Variants in PREP observed in about 807,000 individuals in gnomAD.
PREP encodes the protein prolyl endopeptidase, also known as dJ355L5.1 (prolyl endopeptidase).
PREP carries 29 observed loss-of-function variants against 87.6 expected under a neutral mutation model. That is an observed-to-expected ratio of 0.33 (90% CI 0.25 to 0.45). The LOEUF (loss-of-function observed/expected upper bound fraction) is 0.45, where lower values mean the gene tolerates loss of function less well. PREP is among the 20% of genes least tolerant of loss of function. The pLI, the probability that PREP is intolerant of heterozygous loss-of-function variation, is 1.00. For missense variants in PREP, 695 were observed against 886.5 expected, an observed-to-expected ratio of 0.78 and a Z score of 2.74; for synonymous variants, 337 against 328.6, an observed-to-expected ratio of 1.03 and a Z score of -0.28.
intron 2 of PREP, among the ~76,000 whole-genome samples, chr6:105,395,837 T>A (rs1226652473): frequency 4.6e-5 from 7 of 152,122 alleles, no homozygotes; most frequent in Admixed American, 1.3e-4. Flanking sequence ...AATCATCAGG[T>A]CCTTAGAGAC....
At chr6:105,371,566 C>T (rs1236898125) in intron 5 of PREP, among the ~76,000 whole-genome samples, 1 of 136,168 alleles carries the variant, frequency 7.3e-6, no homozygotes, top group Non-Finnish European at 1.6e-5. Context: ...AAGTAATTAA[C>T]TCATATTTGC....
At chr6:105,368,085 T>C (rs1257756403) in intron 6 of PREP, among the ~76,000 whole-genome samples, 2 of 152,226 alleles carry the variant, frequency 1.3e-5, no homozygotes, top group Non-Finnish European at 2.9e-5. Flanking sequence ...GAACGTAAGT[T>C]AAAATTGAAA....
At chr6:105,297,524 T>C (rs1770434299) in intron 10 of PREP, among the ~76,000 whole-genome samples, 2 of 152,208 alleles carry the variant, frequency 1.3e-5, no homozygotes, top group Non-Finnish European at 2.9e-5. Context: ...CTTTTCCTTT[T>C]TCCCATACTG....
chr6:105,351,229 G>A (rs981929879), intron 7 of PREP, among the ~76,000 whole-genome samples: 2 of 152,216 alleles, frequency 1.3e-5, no homozygotes, highest in African/African-American at 2.4e-5. Context: ...GATAATTTGA[G>A]TGGGCCTGAC....
chr6:105,335,177 G>A (rs1376344589), intron 7 of PREP, among the ~76,000 whole-genome samples: 2 of 152,130 alleles, frequency 1.3e-5, no homozygotes, highest in Non-Finnish European at 1.5e-5. Flanking sequence ...AAAAACATCT[G>A]TTTTACCATG....
intron 7 of PREP, among the ~76,000 whole-genome samples, chr6:105,340,655 T>C (rs1014661518): frequency 6.6e-6 from 1 of 152,174 alleles, no homozygotes; most frequent in African/African-American, 2.4e-5. Flanking sequence ...CCATCTCACG[T>C]GCAGAGACAC....
chr6:105,306,606 C>A (rs1350883375), intron 10 of PREP, among the ~76,000 whole-genome samples: 2 of 152,160 alleles, frequency 1.3e-5, no homozygotes, highest in Admixed American at 6.5e-5. Context: ...CCTTGAAACT[C>A]TTCTCCTCTG....
rs1162063177 is a variant in PREP, at chr6:105,349,898, T to TAAAAAAAAAA, written c.823+3064_823+3073dup. Among the ~76,000 whole-genome samples the TAAAAAAAAAA allele has an allele frequency of 2.6e-3, 157 of 59,414 alleles. 1 individual carries two copies. Among genetic ancestry groups the TAAAAAAAAAA allele is most frequent in the African/African-American group, 4.8e-3 (93 of 19,274 alleles). The allele number at this position is 59,414 out of a possible 152,430, so 39.0% of individuals were successfully genotyped here. On this transcript the variant is annotated intron_variant, in intron 7 of 14. Transcript: ENST00000652536. ...AGGATAACAAAATTGGGGAAGCAGG[T>TAAAAAAAAAA]AAAAAAAAAAAAAAAAAAAAAAAAG...
intron 9 of PREP, among the ~76,000 whole-genome samples, chr6:105,324,348 C>A (rs892113301): frequency 1.3e-5 from 2 of 152,166 alleles, no homozygotes; most frequent in African/African-American, 4.8e-5. Context: ...AATTGCTTTT[C>A]CAATTTGGAT....
At chr6:105,284,084 A>G (rs1770135856) in intron 12 of PREP, among the ~76,000 whole-genome samples, 1 of 152,232 alleles carries the variant, frequency 6.6e-6, no homozygotes, top group Admixed American at 6.5e-5. Flanking sequence ...CATATGGTAT[A>G]CAGAAATTTT....
chr6:105,402,315 G>A (rs1300052798), intron 1 of PREP, among the ~76,000 whole-genome samples: 3 of 152,014 alleles, frequency 2.0e-5, no homozygotes, highest in Non-Finnish European at 4.4e-5. Context: ...CCTGGGACAG[G>A]GTAGGCGCTC....
chr6:105,392,696 C>A (rs1366182466), intron 2 of PREP, among the ~76,000 whole-genome samples: 1 of 152,324 alleles, frequency 6.6e-6, no homozygotes, highest in Admixed American at 6.5e-5. Flanking sequence ...CCTGCCTCAG[C>A]CACCCAAGTA....
intron 6 of PREP, among the ~76,000 whole-genome samples, chr6:105,358,894 A>C (rs1772171260): frequency 6.6e-6 from 1 of 152,202 alleles, no homozygotes; most frequent in Non-Finnish European, 1.5e-5. Flanking sequence ...TCTCCAAAAG[A>C]GTCAACTACC....
chr6:105,363,791 G>T (rs1772312399), intron 6 of PREP, among the ~76,000 whole-genome samples: 1 of 152,170 alleles, frequency 6.6e-6, no homozygotes, highest in African/African-American at 2.4e-5. Flanking sequence ...GGAAGGAAAG[G>T]CAGAGAAGTC....
In PREP at chr6:105,311,093, G is replaced by C. The variant is rs545518414; in HGVS notation, c.1317+12572C>G. Among the ~76,000 whole-genome samples, 46 of 152,174 alleles carry C rather than the reference G, an allele frequency of 3.0e-4. No individual in the cohort carries two copies. In the South Asian group the frequency reaches 6.0e-3, roughly 20 times the overall value. On this transcript the variant is annotated intron_variant, in intron 10 of 14. Transcript: ENST00000652536. Reference sequence around the variant, plus strand: ...TATTCCAAACTCACCAGCCCACCTTGTCCACAGTCACCACTCTAGCCTGGG... The same window carrying C: ...TATTCCAAACTCACCAGCCCACCTTCTCCACAGTCACCACTCTAGCCTGGG...
intron 7 of PREP, among the ~76,000 whole-genome samples, chr6:105,339,439 C>A (rs899783732): frequency 6.6e-6 from 1 of 152,166 alleles, no homozygotes; most frequent in African/African-American, 2.4e-5. Context: ...GAAACCAGAG[C>A]AGAAAAGCTG....
intron 7 of PREP, among the ~76,000 whole-genome samples, chr6:105,349,501 C>A (rs1030484574): frequency 6.6e-6 from 1 of 152,184 alleles, no homozygotes; most frequent in Middle Eastern, 3.4e-3. Flanking sequence ...TTTGTGCTCT[C>A]ATTTCAAAAT....
Position 105,340,149 on chromosome 6 carries a change from C to T in PREP, c.824-6644G>A, listed in dbSNP as rs1283937578. 2.6e-5 allele frequency among the ~76,000 whole-genome samples: 4 copies of T among 152,086 alleles called. No homozygotes were observed. The East Asian group carries it at 7.7e-4, about 29-fold the overall frequency. On this transcript the variant is annotated intron_variant, in intron 7 of 14. Coordinates refer to ENST00000652536, the MANE Select transcript of PREP (RefSeq NM_002726.5). ...GTTAAGGGCAGCCAGAGAGAAAGGT[C>T]GGGTAACCCACAAAGGGAAGCCCAT...
chr6:105,400,385 T>C (rs1414214140), intron 1 of PREP, among the ~76,000 whole-genome samples: 1 of 152,138 alleles, frequency 6.6e-6, no homozygotes, highest in East Asian at 1.9e-4. Flanking sequence ...TGCTCATCTT[T>C]CCAGCCCCAT....
Sources: gnomAD v4.1 joint callset for allele counts (sites outside exome capture counted in the v4.1 genomes callset) on GRCh38, gnomAD v4.1.1 for gene constraint, MANE v1.5 for transcripts, NCBI Gene and HGNC (gene_info 2026-07-23, HGNC 2026-07-21) for gene names.